Variants in PRPF18 observed in about 807,000 individuals in gnomAD.
PRPF18 encodes pre-mRNA processing factor 18.
Under a neutral mutation model 46.5 loss-of-function variants are expected in PRPF18, and 38 were observed. The observed-to-expected ratio is 0.82, with a 90% CI of 0.63 to 1.07. The LOEUF is 1.07. PRPF18 is among the 50% of genes least tolerant of loss of function. PRPF18 has a pLI of 0.00. For synonymous variants in PRPF18, 152 were observed against 146.7 expected (o/e 1.04, Z -0.26); for missense variants, 263 against 410.0 (o/e 0.64, Z 3.10).
At chr10:13,618,434 C>A (rs1415306220) in intron 9 of PRPF18, among the ~76,000 whole-genome samples, 2 of 151,548 alleles carry the variant, frequency 1.3e-5, no homozygotes, top group Non-Finnish European at 2.9e-5. Flanking sequence ...TTAAGACTAG[C>A]CTGGGCAACA....
chr10:13,651,761 G>GTTCCAGTTCCCCATGTATC, the PRPF18 span: 1 of 607,564 alleles, frequency 1.6e-6, no homozygotes, highest in Non-Finnish European at 2.9e-6. Context: ...TAAAAACATA[G>GTTCCAGTTCCCCATGTATC]TTCCAGTTCC....
At chr10:13,648,425 G>T in the PRPF18 span, among the ~76,000 whole-genome samples, 2 of 152,134 alleles carry the variant, frequency 1.3e-5, no homozygotes, top group Admixed American at 6.5e-5. Context: ...TTCTTAGGGG[G>T]ACAGTCTCTC....
In PRPF18 at chr10:13,613,757, G is replaced by A; in HGVS notation, c.596G>A (p.Trp199Ter). 1 of 1,613,292 alleles carries A rather than the reference G, an allele frequency of 6.2e-7. No individual in the cohort carries two copies. The highest frequency in any genetic ancestry group is 8.5e-7 in the Non-Finnish European group (1 of 1,179,832). Reference sequence around the variant, plus strand: ...TTTCAACAGTTTCTTCTTGGCGTTTGGGCTAAAGAATTGAATGCCAGAGAA... The same window carrying A: ...TTTCAACAGTTTCTTCTTGGCGTTTAGGCTAAAGAATTGAATGCCAGAGAA... Reference protein sequence around the residue: ...TKFLKFLLGVWAKELNAREDY... With the variant: ...TKFLKFLLGV The change falls in exon 7 of 10, where the codon TGG becomes TAG. Residue 199 changes from tryptophan (W) to a stop codon, truncating the protein, a stop_gained. Transcript: ENST00000378572. LOFTEE classifies it high-confidence loss of function.
At chr10:13,645,251 G>GCTAA in the PRPF18 span, 2 of 152,112 alleles carry the variant, frequency 1.3e-5, no homozygotes, top group African/African-American at 4.8e-5. Flanking sequence ...TTATGCTTAA[G>GCTAA]CTAACTTCAG....
the PRPF18 span, chr10:13,642,107 T>A: frequency 6.6e-6 from 1 of 152,244 alleles, no homozygotes. Context: ...AGGTTATACC[T>A]CTGCAGCTCT....
rs201448920 is a variant in PRPF18 at position 13,630,228 on chromosome 10, A to G, written c.949-32A>G. 4.9e-5 allele frequency: 75 copies of G among 1,535,340 alleles called. 1 individual carries two copies. In the African/African-American group the frequency reaches 9.8e-4, roughly 20 times the overall value. On this transcript the variant is annotated intron_variant, in intron 9 of 9. Transcript: ENST00000378572. ...CAGTTAAGAATAATTTAACCATGTC[A>G]TAACCAACCTTTGTTTTCCTTATTT...
intron 1 of PRPF18, among the ~76,000 whole-genome samples, chr10:13,596,842 C>A (rs959925020): frequency 6.6e-6 from 1 of 152,140 alleles, no homozygotes; most frequent in Non-Finnish European, 1.5e-5. Flanking sequence ...CAGAGAGATA[C>A]CCTGTCTCCA....
At chr10:13,655,817 G>C in the PRPF18 span, 2 of 152,086 alleles carry the variant, frequency 1.3e-5, no homozygotes, top group East Asian at 1.9e-4. Context: ...CTTCTCCTCA[G>C]TGTCCCTCTC....
chr10:13,654,488 C>T, the PRPF18 span: 1 of 1,613,662 alleles, frequency 6.2e-7, no homozygotes. Flanking sequence ...CGGTGTCGAG[C>T]TTCTCTGGCT....
chr10:13,614,345 C>G (rs754082507), intron 8 of PRPF18, among the ~76,000 whole-genome samples: 1 of 152,154 alleles, frequency 6.6e-6, no homozygotes, highest in Non-Finnish European at 1.5e-5. Flanking sequence ...AAAGGTTCTT[C>G]AGAGCATGAA....
chr10:13,631,918 TCTG>T (rs2134123939), downstream of PRPF18: 1 of 152,580 alleles, frequency 6.6e-6, no homozygotes, highest in South Asian at 2.1e-4. Context: ...CTTGTGCTCT[TCTG>T]CTGTGCCTAG....
At chr10:13,599,449 T>A (rs1390025184) in intron 2 of PRPF18, among the ~76,000 whole-genome samples, 1 of 152,224 alleles carries the variant, frequency 6.6e-6, no homozygotes, top group Non-Finnish European at 1.5e-5. Flanking sequence ...GGATTTATCT[T>A]ATGGTCAGAT....
chr10:13,610,214 C>A, intron 5 of PRPF18, 29 bp downstream of exon 5: 1 of 1,598,706 alleles, frequency 6.3e-7, no homozygotes, highest in Non-Finnish European at 8.5e-7. Flanking sequence ...CCAGCACATC[C>A]CTGGCACCCT....
chr10:13,610,240 G>T, intron 5 of PRPF18, 55 bp downstream of exon 5: 1 of 1,560,462 alleles, frequency 6.4e-7, no homozygotes, highest in Non-Finnish European at 8.7e-7. Context: ...TTCCTCTGGA[G>T]CAGATGACTG....
intron 9 of PRPF18, among the ~76,000 whole-genome samples, chr10:13,618,011 A>G (rs1405790658): frequency 6.6e-6 from 1 of 152,204 alleles, no homozygotes; most frequent in Non-Finnish European, 1.5e-5. Flanking sequence ...GCATTAAATA[A>G]TGGACTCGTG....
chr10:13,618,349 T>A (rs1478515763), intron 9 of PRPF18, among the ~76,000 whole-genome samples: 1 of 152,068 alleles, frequency 6.6e-6, no homozygotes, highest in Non-Finnish European at 1.5e-5. Flanking sequence ...AATTAGAGGC[T>A]GAGCATGGTG....
At position 13,605,674 on chromosome 10, in the gene PRPF18, T is replaced by G; in HGVS notation, c.293T>G (p.Phe98Cys). Residue 98 changes from phenylalanine to cysteine, a missense_variant, in exon 4 of 10, where the codon TTT becomes TGT. This residue lies in a region of PRPF18 where 155 missense variants were observed against 245.1 expected (regional missense o/e 0.63). Coordinates refer to ENST00000378572, the MANE Select transcript of PRPF18 (RefSeq NM_003675.4). ...GAAAGAGGAGAACCAATCAGACTAT[T>G]TGGAGAGACTGATTATGATGCTTTT... ...LRERGEPIRL[F>C]GETDYDAFQR... 1 of 1,613,538 alleles carries G rather than the reference T, an allele frequency of 6.2e-7. No individual in the cohort carries two copies. The highest frequency in any genetic ancestry group is 8.5e-7 in the Non-Finnish European group (1 of 1,179,814).
intron 9 of PRPF18, among the ~76,000 whole-genome samples, chr10:13,625,034 A>G (rs1652925143): frequency 6.6e-6 from 1 of 152,224 alleles, no homozygotes; most frequent in South Asian, 2.1e-4. Flanking sequence ...ATTGAGAATG[A>G]TAATTAATAT....
At chr10:13,651,133 A>G in the PRPF18 span, 3 of 152,218 alleles carry the variant, frequency 2.0e-5, no homozygotes, top group African/African-American at 7.2e-5. Flanking sequence ...AATCTTGTTA[A>G]ATGCACATTA....
Sources: allele counts gnomAD v4.1 joint callset (sites outside exome capture counted in the v4.1 genomes callset), GRCh38; gene constraint gnomAD v4.1.1; regional missense constraint gnomAD v4.1.1; transcripts MANE v1.5; gene names NCBI Gene and HGNC (gene_info 2026-07-23, HGNC 2026-07-21).